DCAF4: variants seen among roughly 807,000 people sequenced by gnomAD.
DCAF4 encodes the protein DDB1- and CUL4-associated factor 4.
In DCAF4, 37 loss-of-function variants were observed where a neutral mutation model predicts 60.9. The observed-to-expected ratio is 0.61, with a 90% CI of 0.47 to 0.80. DCAF4 has a LOEUF of 0.80. Ranked by LOEUF, DCAF4 falls within the 30% of genes least tolerant of loss-of-function variation. The pLI is 0.00. For synonymous variants in DCAF4, 243 were observed against 254.8 expected (o/e 0.95, Z 0.44); for missense variants, 577 against 650.0 (o/e 0.89, Z 1.22).
intron 9 of DCAF4, among the ~76,000 whole-genome samples, chr14:72,953,780 ATTTGTG>A (rs1191619988): frequency 1.3e-3 from 18 of 13,368 alleles, no homozygotes; most frequent in African/African-American, 3.6e-3. Flanking sequence ...TTATTTATTT[ATTTGTG>A]TGTGTGTGTG....
chr14:72,941,723 C>G, intron 4 of DCAF4, 22 bp from the exon 5 acceptor site: 1 of 1,604,332 alleles, frequency 6.2e-7, no homozygotes, highest in Non-Finnish European at 8.5e-7. Context: ...TTGAATTGTT[C>G]TCTTTTTTGT....
At chr14:72,953,728 AAAAAATATATATATATATAT>A (rs1891788222) in intron 9 of DCAF4, among the ~76,000 whole-genome samples, 1 of 37,768 alleles carries the variant, frequency 2.6e-5, no homozygotes, top group Non-Finnish European at 4.8e-5. Context: ...AAAAAAAAAA[AAAAAATATATATATATATAT>A]ATATATATAT....
At chr14:72,928,108 C>A (rs1222057536) in intron 1 of DCAF4, among the ~76,000 whole-genome samples, 6 of 147,204 alleles carry the variant, frequency 4.1e-5, no homozygotes, top group South Asian at 4.3e-4. Flanking sequence ...CCTGTAGAAG[C>A]TACTTTGTAT....
intron 1 of DCAF4, among the ~76,000 whole-genome samples, chr14:72,936,400 C>G (rs1889271355): frequency 1.3e-5 from 2 of 152,014 alleles, no homozygotes; most frequent in Non-Finnish European, 2.9e-5. Context: ...CCCATCTCTA[C>G]TAAAAATACA....
In DCAF4 at chr14:72,943,115, C is replaced by A. The variant is rs780402694; in HGVS notation, c.534+19C>A. On this transcript the variant is annotated intron_variant, in intron 6 of 13. Transcript: ENST00000358377. ...CATACTGGTGAGTGGGAGGGGGACA[C>A]CTGCCTAGGGTGTGGCTGCCACCCT... is the stretch of plus-strand genomic sequence containing the variant. 1.2e-6 allele frequency: 2 copies of A among 1,611,126 alleles called. No homozygotes were observed. Among genetic ancestry groups the A allele is most frequent in the South Asian group, 2.2e-5 (2 of 90,970 alleles).
chr14:72,947,368 G>C (rs562050081), intron 8 of DCAF4, among the ~76,000 whole-genome samples, 177 bp downstream of exon 8: 4 of 152,238 alleles, frequency 2.6e-5, no homozygotes, highest in African/African-American at 9.6e-5. Flanking sequence ...AAGGATGCCC[G>C]TGGAGCACAG....
intron 11 of DCAF4, 84 bp downstream of exon 11, chr14:72,954,567 C>A: frequency 8.1e-7 from 1 of 1,237,132 alleles, no homozygotes; most frequent in Non-Finnish European, 1.2e-6. Context: ...CCTCTGTGTG[C>A]CATCTAGTAC....
chr14:72,954,191 GT>G lies in DCAF4; in HGVS notation c.839del (p.Phe280SerfsTer13). On this transcript the variant is annotated frameshift_variant, in exon 10 of 14. Coordinates refer to ENST00000358377, the MANE Select transcript of DCAF4 (RefSeq NM_015604.4). LOFTEE classifies it high-confidence loss of function. ...ATAGACCGGCCTGGCATGCTCTGCAGTTTCCGGATCCCTGGTGCCTGGTCCT... is the reference window on the plus strand; with the variant it reads ...ATAGACCGGCCTGGCATGCTCTGCAGTTCCGGATCCCTGGTGCCTGGTCCT... ...PGIDRPGMLC[S>X]FRIPGAWSCA... 1 of 1,614,220 alleles carries G rather than the reference GT, an allele frequency of 6.2e-7. No homozygotes were observed.
At chr14:72,952,838 G>A (rs1230786413) in intron 9 of DCAF4, among the ~76,000 whole-genome samples, 1 of 150,836 alleles carries the variant, frequency 6.6e-6, no homozygotes, top group Non-Finnish European at 1.5e-5. Context: ...GAGATCACAG[G>A]CGCACACCAC....
At chr14:72,953,725 AAAAAAAAATATATATAT>A (rs1359668945) in intron 9 of DCAF4, among the ~76,000 whole-genome samples, 3 of 52,502 alleles carry the variant, frequency 5.7e-5, no homozygotes, top group African/African-American at 2.8e-4. Context: ...AAAAAAAAAA[AAAAAAAAATATATATAT>A]ATATATATAT....
At chr14:72,928,855 A>G (rs1888083610) in intron 1 of DCAF4, among the ~76,000 whole-genome samples, 1 of 152,102 alleles carries the variant, frequency 6.6e-6, no homozygotes, top group South Asian at 2.1e-4. Flanking sequence ...CCTGGAAACC[A>G]GAACAGCCCC....
intron 1 of DCAF4, among the ~76,000 whole-genome samples, chr14:72,935,466 G>A (rs1889142108): frequency 6.6e-6 from 1 of 152,208 alleles, no homozygotes; most frequent in African/African-American, 2.4e-5. Context: ...CGTTGGCCAG[G>A]CTGATCTCAA....
chr14:72,956,366 C>T lies in DCAF4; in HGVS notation c.1180-20C>T, dbSNP rs1221157927. The T allele has an allele frequency of 6.3e-7, 1 of 1,579,794 alleles. No homozygotes were observed. The highest frequency in any genetic ancestry group is 8.6e-7 in the Non-Finnish European group (1 of 1,162,988). ...TACCCCCTGGCCCCTCCCTGATGGC[C>T]CCTGGTGCTTTTTCCACAGATCAAG... On this transcript the variant is annotated intron_variant, in intron 12 of 13. Transcript: ENST00000358377.
intron 11 of DCAF4, among the ~76,000 whole-genome samples, chr14:72,955,117 A>T (rs1011125840): frequency 2.6e-5 from 4 of 152,116 alleles, no homozygotes; most frequent in Non-Finnish European, 5.9e-5. Flanking sequence ...TCTCAAAAAA[A>T]AAAAAAAATT....
intron 1 of DCAF4, chr14:72,934,897 TTAAATG>T (rs1489902676): frequency 6.6e-6 from 1 of 152,230 alleles, no homozygotes; most frequent in Non-Finnish European, 1.5e-5. Flanking sequence ...TACCTGGGAC[TTAAATG>T]TAAAGTAGCC....
intron 8 of DCAF4, among the ~76,000 whole-genome samples, chr14:72,950,385 T>C (rs1282609370): frequency 6.6e-6 from 1 of 152,136 alleles, no homozygotes; most frequent in Non-Finnish European, 1.5e-5. Context: ...CCAAGGAGTG[T>C]GTAGTAGAAA....
At chr14:72,960,922 A>G (rs963015193), downstream of DCAF4, among the ~76,000 whole-genome samples, 2 of 151,124 alleles carry the variant, frequency 1.3e-5, no homozygotes, top group Non-Finnish European at 2.9e-5. Context: ...CTGTCGCCCA[A>G]GCTGGAGTGC....
chr14:72,954,285 C>A, intron 10 of DCAF4, 23 bp downstream of exon 10: 2 of 1,614,004 alleles, frequency 1.2e-6, no homozygotes, highest in African/African-American at 1.3e-5. Context: ...CCCCAGGTGC[C>A]CAGAGAAGAG....
Position 72,947,266 on chromosome 14 carries a change from A to C in DCAF4, c.728+75A>C, listed in dbSNP as rs940817838. 3.9e-6 allele frequency: 6 copies of C among 1,529,336 alleles called. No homozygotes were observed. The African/African-American group carries it at 5.5e-5, about 14-fold the overall frequency. 94.7% of individuals were successfully genotyped at this position (1,529,336 alleles called of 1,614,324 possible). A position where few individuals can be genotyped will look rare whatever the true frequency, so the allele number is the denominator to read the frequency against. Reference sequence around the variant, plus strand: ...TTGGACCTGGGTATCTGTGGGCTTCATGACATGGCATCTTAGTGACCAGAG... The same window carrying C: ...TTGGACCTGGGTATCTGTGGGCTTCCTGACATGGCATCTTAGTGACCAGAG... On this transcript the variant is annotated intron_variant, in intron 8 of 13. Coordinates refer to ENST00000358377, the MANE Select transcript of DCAF4 (RefSeq NM_015604.4).
Sources: gnomAD v4.1 joint callset for allele counts (sites outside exome capture counted in the v4.1 genomes callset) on GRCh38, gnomAD v4.1.1 for gene constraint, MANE v1.5 for transcripts, NCBI Gene and HGNC (gene_info 2026-07-23, HGNC 2026-07-21) for gene names.